The following DNAH12 variants were observed in gnomAD, a reference collection of about 807,000 sequenced individuals.
DNAH12 encodes axonemal beta dynein heavy chain 12.
DNAH12 carries 285 observed loss-of-function variants against 371.5 expected under a neutral mutation model. The ratio of observed to expected loss-of-function variants is 0.77; its 90% CI spans 0.70 to 0.85. The LOEUF (loss-of-function observed/expected upper bound fraction) is 0.85, where lower values mean the gene tolerates loss of function less well. Ranked by LOEUF, DNAH12 falls within the 40% of genes least tolerant of loss-of-function variation. The probability of loss-of-function intolerance (pLI) is 0.00; values close to 1 mark genes in which losing one functional copy is unlikely to be tolerated. For missense variants in DNAH12, 3,611 were observed against 3,689.4 expected (o/e 0.98, Z 0.55); for synonymous variants, 1,200 against 1,213.0 (o/e 0.99, Z 0.22).
At chr3:57,403,589 G>A in intron 42 of DNAH12, 88 bp from the exon 43 acceptor site, 4 of 1,242,570 alleles carry the variant, frequency 3.2e-6, no homozygotes, top group Non-Finnish European at 4.4e-6. Context: ...TTTCCTAGAA[G>A]AATGTGACTC....
intron 29 of DNAH12, among the ~76,000 whole-genome samples, chr3:57,442,889 ACAAAAAGATTTTG>A (rs1360028227): frequency 1.3e-5 from 2 of 152,208 alleles, no homozygotes; most frequent in Non-Finnish European, 2.9e-5. Flanking sequence ...GACAGCTCAA[ACAAAAAGATTTTG>A]CAGTCATATC....
intron 55 of DNAH12, among the ~76,000 whole-genome samples, chr3:57,373,766 AT>A (rs1268244689): frequency 1.3e-5 from 2 of 152,174 alleles, no homozygotes; most frequent in Admixed American, 6.6e-5. Flanking sequence ...CACAGAACAC[AT>A]TTTTTATAAC....
At chr3:57,335,295 G>A (rs1424415385) in intron 60 of DNAH12, among the ~76,000 whole-genome samples, 1 of 152,172 alleles carries the variant, frequency 6.6e-6, no homozygotes, top group African/African-American at 2.4e-5. Flanking sequence ...GTATTGCTGA[G>A]TTGAGGACAT....
chr3:57,401,155 A>T (rs1280279124), intron 43 of DNAH12, among the ~76,000 whole-genome samples: 1 of 152,178 alleles, frequency 6.6e-6, no homozygotes, highest in Non-Finnish European at 1.5e-5. Context: ...GAAATTAGAA[A>T]ATATCTTGAG....
At chr3:57,516,173 C>T (rs1334673812) in intron 4 of DNAH12, among the ~76,000 whole-genome samples, 1 of 141,302 alleles carries the variant, frequency 7.1e-6, no homozygotes, top group Non-Finnish European at 1.5e-5. Flanking sequence ...AAGTGATGTT[C>T]CTGCCTCAGC....
chr3:57,384,615 G>A (rs1170919311), intron 49 of DNAH12, among the ~76,000 whole-genome samples: 3 of 152,150 alleles, frequency 2.0e-5, no homozygotes, highest in Non-Finnish European at 4.4e-5. Flanking sequence ...CTGCACTCCA[G>A]CTTGGTCAAC....
At chr3:57,555,358 G>A in the DNAH12 span, among the ~76,000 whole-genome samples, 4 of 152,184 alleles carry the variant, frequency 2.6e-5, no homozygotes, top group Non-Finnish European at 5.9e-5. Context: ...TTTGTTAAAT[G>A]TAGTAACTAA....
chr3:57,355,433 A>T (rs1233265274), intron 59 of DNAH12, among the ~76,000 whole-genome samples: 1 of 150,552 alleles, frequency 6.6e-6, no homozygotes, highest in Non-Finnish European at 1.5e-5. Context: ...ATAACATCAC[A>T]TGTTGAAGGG....
At chr3:57,329,820 A>G (rs538129933) in intron 62 of DNAH12, among the ~76,000 whole-genome samples, 176 of 152,008 alleles carry the variant, frequency 1.2e-3, no homozygotes, top group African/African-American at 3.8e-3. Context: ...TTATCTGACA[A>G]AAGGCTAATA....
chr3:57,512,536 G>A (rs546426421), intron 4 of DNAH12: 6 of 152,290 alleles, frequency 3.9e-5, no homozygotes, highest in South Asian at 2.1e-4. Context: ...ACACAAATTC[G>A]TGAAGCATTC....
At chr3:57,413,494 A>G (rs1242483120) in intron 39 of DNAH12, among the ~76,000 whole-genome samples, 4 of 152,122 alleles carry the variant, frequency 2.6e-5, no homozygotes, top group South Asian at 2.1e-4. Flanking sequence ...AAATGTGCCA[A>G]TTTGGTGGGG....
At chr3:57,343,294 G>C (rs2062450051) in intron 60 of DNAH12, among the ~76,000 whole-genome samples, 1 of 152,212 alleles carries the variant, frequency 6.6e-6, no homozygotes, top group Admixed American at 6.5e-5. Context: ...GCTTTGCTGA[G>C]ATGTTGTTAA....
chr3:57,546,377 T>C (rs1013768010), upstream of DNAH12, among the ~76,000 whole-genome samples: 1 of 152,152 alleles, frequency 6.6e-6, no homozygotes, highest in Non-Finnish European at 1.5e-5. Context: ...TGAGAAACTG[T>C]TACATCTTGG....
intron 70 of DNAH12, among the ~76,000 whole-genome samples, 176 bp downstream of exon 70, chr3:57,301,559 T>C (rs899216642): frequency 6.6e-6 from 1 of 152,108 alleles, no homozygotes; most frequent in East Asian, 1.9e-4. Context: ...ACTCATCACA[T>C]TTCATTCAAC....
intron 61 of DNAH12, 51 bp downstream of exon 61, chr3:57,334,731 C>G: frequency 6.6e-7 from 1 of 1,513,868 alleles, no homozygotes; most frequent in Non-Finnish European, 8.8e-7. Flanking sequence ...AATTGAAGAA[C>G]AAGTTTACAT....
At chr3:57,463,674 T>A (rs910550096) in intron 17 of DNAH12, among the ~76,000 whole-genome samples, 1 of 152,184 alleles carries the variant, frequency 6.6e-6, no homozygotes. Flanking sequence ...TCATCACATA[T>A]TCCCTAGAAT....
chr3:57,351,528 T>C (rs2062675083), intron 60 of DNAH12, among the ~76,000 whole-genome samples: 1 of 152,174 alleles, frequency 6.6e-6, no homozygotes, highest in African/African-American at 2.4e-5. Context: ...GTTCATTGAG[T>C]AGAACAGGTA....
intron 65 of DNAH12, among the ~76,000 whole-genome samples, chr3:57,320,449 A>G (rs772288329): frequency 1.3e-5 from 2 of 152,228 alleles, no homozygotes; most frequent in Non-Finnish European, 2.9e-5. Context: ...AGGTAATTCA[A>G]ACGCCCAAGA....
Position 57,323,458 on chromosome 3 carries a change from T to A in DNAH12, c.10129+11A>T. 6.5e-7 allele frequency: 1 copy of A among 1,538,448 alleles called. No individual in the cohort carries two copies. The highest frequency in any genetic ancestry group is 8.7e-7 in the Non-Finnish European group (1 of 1,143,030). On this transcript the variant is annotated intron_variant, in intron 63 of 73. Transcript: ENST00000495027. ...TATGATTTCTTAAAAGTTTACAGTA[T>A]ATGCACTTACTGGCCATAGGATCTG...
Sources: allele counts gnomAD v4.1 joint callset (sites outside exome capture counted in the v4.1 genomes callset), GRCh38; gene constraint gnomAD v4.1.1; transcripts MANE v1.5; gene names NCBI Gene and HGNC (gene_info 2026-07-23, HGNC 2026-07-21).